GABRG3: variants seen among roughly 807,000 people sequenced by gnomAD.
GABRG3 encodes the protein gamma-aminobutyric acid type A receptor subunit gamma3.
A neutral mutation model predicts 48.8 loss-of-function variants in GABRG3; 25 were observed. That is an observed-to-expected ratio of 0.51 (90% CI 0.37 to 0.72). The LOEUF (loss-of-function observed/expected upper bound fraction) is 0.72, where lower values mean the gene tolerates loss of function less well. Among genes scored for constraint, GABRG3 ranks in the 30% least tolerant of loss-of-function variants. GABRG3 has a pLI of 0.00. For synonymous variants in GABRG3, 227 were observed against 217.6 expected (o/e 1.04, Z -0.38); for missense variants, 394 against 577.9 (o/e 0.68, Z 3.26).
At chr15:27,404,334 C>T (rs1039754109) in intron 5 of GABRG3, among the ~76,000 whole-genome samples, 5 of 152,188 alleles carry the variant, frequency 3.3e-5, no homozygotes, top group Admixed American at 3.3e-4. Flanking sequence ...GCAATGCCTA[C>T]CTTGTAATTG....
At chr15:27,225,960 T>C (rs1201278920) in intron 3 of GABRG3, among the ~76,000 whole-genome samples, 1 of 152,024 alleles carries the variant, frequency 6.6e-6, no homozygotes, top group Non-Finnish European at 1.5e-5. Context: ...GGGGCTCCCT[T>C]TGGAAATGAT....
chr15:27,283,193 C>T (rs1292528070), intron 3 of GABRG3, among the ~76,000 whole-genome samples: 1 of 152,182 alleles, frequency 6.6e-6, no homozygotes, highest in Admixed American at 6.5e-5. Context: ...TTGGTCTCTG[C>T]CAGCACCATG....
chr15:27,264,460 C>T (rs993526223), intron 3 of GABRG3, among the ~76,000 whole-genome samples: 2 of 151,854 alleles, frequency 1.3e-5, no homozygotes, highest in Admixed American at 1.3e-4. Flanking sequence ...CATTTAAAAC[C>T]AAACATCAGT....
In GABRG3 at chr15:26,974,843, T is replaced by TTTTTTA. The variant is rs1158391638; in HGVS notation, c.54-2157_54-2156insTTTATT. Among the ~76,000 whole-genome samples the TTTTTTA allele has an allele frequency of 9.9e-5, 14 of 140,862 alleles. No homozygotes were observed. Among genetic ancestry groups the TTTTTTA allele is most frequent in the African/African-American group, 2.1e-4 (8 of 38,350 alleles). The allele number at this position is 140,862 out of a possible 152,430, so 92.4% of individuals were successfully genotyped here. A position where few individuals can be genotyped will look rare whatever the true frequency, so the allele number is the denominator to read the frequency against. On this transcript the variant is annotated intron_variant, in intron 1 of 9. Transcript: ENST00000615808. This position sits in a 1 kb window ranked among gnomAD's most constrained non-coding sequence, Gnocchi z 4.3. ...CAGATGACACGAAATATTTTTTAAA[T>TTTTTTA]TTATTATTATTATTATTATTATTAT...
intron 3 of GABRG3, among the ~76,000 whole-genome samples, chr15:27,322,551 A>G (rs1893465236): frequency 6.6e-6 from 1 of 152,224 alleles, no homozygotes; most frequent in African/African-American, 2.4e-5. Context: ...AATTAGTTTC[A>G]AGAGGGAAAG....
intron 3 of GABRG3, among the ~76,000 whole-genome samples, chr15:27,137,352 G>C (rs1898028085): frequency 6.6e-6 from 1 of 152,088 alleles, no homozygotes; most frequent in Non-Finnish European, 1.5e-5. Context: ...AAGGCTCCTG[G>C]ACAAACAAAG....
intron 2 of GABRG3, among the ~76,000 whole-genome samples, chr15:27,004,624 C>G (rs1034781383): frequency 3.9e-5 from 6 of 152,124 alleles, no homozygotes; most frequent in South Asian, 2.1e-4. Context: ...TGTAGCCAGC[C>G]GAGATCACGC....
intron 3 of GABRG3, among the ~76,000 whole-genome samples, chr15:27,317,825 T>G (rs1195476175): frequency 6.6e-6 from 1 of 152,182 alleles, no homozygotes; most frequent in Non-Finnish European, 1.5e-5. Flanking sequence ...TTTTCCTGAT[T>G]TAGACCCTGT....
intron 3 of GABRG3, among the ~76,000 whole-genome samples, chr15:27,270,344 T>G (rs933618433): frequency 1.3e-5 from 2 of 152,144 alleles, no homozygotes; most frequent in Non-Finnish European, 2.9e-5. Flanking sequence ...TTGGTGTTGG[T>G]GTGGAGCTTG....
At chr15:27,293,860 A>C (rs1177924132) in intron 3 of GABRG3, among the ~76,000 whole-genome samples, 1 of 152,224 alleles carries the variant, frequency 6.6e-6, no homozygotes, top group Non-Finnish European at 1.5e-5. Flanking sequence ...TCAGTGATCT[A>C]AACAGACAGG....
At chr15:27,010,106 A>C (rs891794) in intron 2 of GABRG3, among the ~76,000 whole-genome samples, 2 of 151,874 alleles carry the variant, frequency 1.3e-5, no homozygotes, top group Non-Finnish European at 2.9e-5. Context: ...TACCAAGCCC[A>C]GCTAATTTTT....
chr15:27,340,742 A>T (rs1361016758), intron 5 of GABRG3: 1 of 165,608 alleles, frequency 6.0e-6, no homozygotes, highest in Non-Finnish European at 1.3e-5. Context: ...CTAGTCAGAC[A>T]TTTTCTATTT....
intron 5 of GABRG3, among the ~76,000 whole-genome samples, chr15:27,449,888 T>G (rs566697874): frequency 6.6e-6 from 1 of 152,340 alleles, no homozygotes; most frequent in East Asian, 1.9e-4. Context: ...CAGTAGAAAA[T>G]GAAATGCACT....
chr15:27,262,898 G>T (rs1290995858), intron 3 of GABRG3, among the ~76,000 whole-genome samples: 1 of 152,126 alleles, frequency 6.6e-6, no homozygotes, highest in Non-Finnish European at 1.5e-5. Flanking sequence ...TCTTCACCAT[G>T]CCTAGTGCTA....
At chr15:27,035,286 G>T (rs1012278109) in intron 3 of GABRG3, among the ~76,000 whole-genome samples, 2 of 152,202 alleles carry the variant, frequency 1.3e-5, no homozygotes, top group African/African-American at 4.8e-5. Context: ...GTAGGATGGG[G>T]TGTTGTCTAT....
intron 3 of GABRG3, among the ~76,000 whole-genome samples, chr15:27,176,885 G>T (rs1887763261): frequency 6.6e-6 from 1 of 152,188 alleles, no homozygotes; most frequent in Admixed American, 6.5e-5. Flanking sequence ...CTTGGAAAAT[G>T]CTAGAGATGA....
At chr15:27,280,723 G>C (rs1891405592) in intron 3 of GABRG3, among the ~76,000 whole-genome samples, 1 of 152,140 alleles carries the variant, frequency 6.6e-6, no homozygotes, top group Admixed American at 6.5e-5. Flanking sequence ...TTTTAAATTT[G>C]TTGAGGTTTG....
intron 3 of GABRG3, among the ~76,000 whole-genome samples, chr15:27,086,800 T>G (rs1897084553): frequency 6.6e-6 from 1 of 152,206 alleles, no homozygotes; most frequent in Admixed American, 6.5e-5. Context: ...TTTTGAGTTC[T>G]GGAGGCTCTC....
At chr15:27,036,503 A>G (rs1896180997) in intron 3 of GABRG3, among the ~76,000 whole-genome samples, 1 of 152,202 alleles carries the variant, frequency 6.6e-6, no homozygotes, top group South Asian at 2.1e-4. Flanking sequence ...CAGCCTGACC[A>G]ACATGGTGAA....
Sources: allele counts gnomAD v4.1 joint callset (sites outside exome capture counted in the v4.1 genomes callset), GRCh38; gene constraint gnomAD v4.1.1; non-coding constraint Gnocchi (gnomAD v3.1); transcripts MANE v1.5; gene names NCBI Gene and HGNC (gene_info 2026-07-23, HGNC 2026-07-21).